Variants in APOB observed in about 807,000 individuals in gnomAD.
The protein encoded by APOB is apolipoprotein B-100.
APOB carries 153 observed loss-of-function variants against 314.1 expected under a neutral mutation model. The ratio of observed to expected loss-of-function variants is 0.49; its 90% CI spans 0.43 to 0.56. APOB has a LOEUF of 0.56. Among genes scored for constraint, APOB ranks in the 20% least tolerant of loss-of-function variants. The probability of loss-of-function intolerance (pLI) is 0.00; values close to 1 mark genes in which losing one functional copy is unlikely to be tolerated. For synonymous variants in APOB, 2,087 were observed against 2,036.4 expected (o/e 1.02, Z -0.67); for missense variants, 5,430 against 5,350.7 (o/e 1.01, Z -0.46).
rs754814123 is a variant in APOB, at chr2:21,006,802, G to C, written c.10066C>G (p.Leu3356Val). 2 of 1,613,948 alleles carry C rather than the reference G, an allele frequency of 1.2e-6. No individual in the cohort carries two copies. The highest frequency in any genetic ancestry group is 1.7e-6 in the Non-Finnish European group (2 of 1,179,964). The stretch of plus-strand genomic sequence containing the variant: ...GCAACAATATCTGACTGGTTAAAAA[G>C]TTCAGCATTGGTATTCAGTGTGATG... Reference protein sequence around the residue: ...SVITLNTNAELFNQSDIVAHL... With the variant: ...SVITLNTNAEVFNQSDIVAHL... The change falls in exon 26 of 29, where the codon CTT becomes GTT. Residue 3356 changes from leucine to valine, a missense_variant. This residue lies in a region of APOB where 3,281 missense variants were observed against 3,171.0 expected (regional missense o/e 1.03). Transcript: ENST00000233242.
chr2:21,036,542 CAGAG>C (rs751322496), intron 6 of APOB, among the ~76,000 whole-genome samples: 9 of 152,108 alleles, frequency 5.9e-5, no homozygotes, highest in Non-Finnish European at 1.3e-4. Flanking sequence ...CCCCAGTTAA[CAGAG>C]AGGAGAGGGT....
At chr2:21,028,778 A>C (rs1457476907) in intron 12 of APOB, among the ~76,000 whole-genome samples, 1 of 152,220 alleles carries the variant, frequency 6.6e-6, no homozygotes, top group African/African-American at 2.4e-5. Context: ...AAACACATAA[A>C]TTATGGCCAA....
Position 21,004,413 on chromosome 2 carries a change from T to C in APOB, c.11943A>G (p.Pro3981=), listed in dbSNP as rs143517717. ...EGKAHLNIKS[P]AFTDLHLRYQ... is the part of the protein sequence containing the mutation. Reference sequence around the variant, plus strand: ...AGCGCAGATGGAGATCGGTGAACGCTGGGCTTTTGATATTGAGGTGCGCTT... The same window carrying C: ...AGCGCAGATGGAGATCGGTGAACGCCGGGCTTTTGATATTGAGGTGCGCTT... The change falls in exon 28 of 29, where the codon CCA becomes CCG. Residue 3981 remains proline (P), a synonymous_variant. Transcript: ENST00000233242. 2 of 1,613,934 alleles carry C rather than the reference T, an allele frequency of 1.2e-6. No individual in the cohort carries two copies. Among genetic ancestry groups the C allele is most frequent in the African/African-American group, 2.7e-5 (2 of 74,908 alleles).
chr2:21,020,028 A>T, intron 18 of APOB, 123 bp from the exon 19 acceptor site: 1 of 849,886 alleles, frequency 1.2e-6, no homozygotes, highest in Middle Eastern at 2.2e-4. Flanking sequence ...CCTATCTCTA[A>T]CTATTTAATT....
At chr2:21,019,531 A>G (rs533942417) in intron 19 of APOB, among the ~76,000 whole-genome samples, 192 bp downstream of exon 19, 1 of 152,346 alleles carries the variant, frequency 6.6e-6, no homozygotes, top group African/African-American at 2.4e-5. Context: ...ATCCCATCCC[A>G]TGCACAAGGA....
At position 21,011,222 on chromosome 2, in the gene APOB, G is replaced by C. The variant is rs1012783946; in HGVS notation, c.5646C>G (p.Ser1882Arg). The change falls in exon 26 of 29, where the codon AGC becomes AGG. Residue 1882 changes from serine to arginine, a missense_variant. Transcript: ENST00000233242. ...GCAGTGAGTCTGAATTATAGTTTGT[G>C]CTCATGTCAATGGCTGAAGCCAGCC... ...IAGLASAIDM[S>R]TNYNSDSLHF... The C allele has an allele frequency of 5.6e-6, 9 of 1,614,092 alleles. No individual in the cohort carries two copies. The highest frequency in any genetic ancestry group is 1.7e-5 in the Admixed American group (1 of 60,008).
In APOB at chr2:21,007,726, C is replaced by T. The variant is rs770023507; in HGVS notation, c.9142G>A (p.Ala3048Thr). The change falls in exon 26 of 29, where the codon GCA (alanine) becomes ACA (threonine). Residue 3048 changes from alanine to threonine, a missense_variant. By Grantham distance (58) the Ala-to-Thr change is moderately conservative (BLOSUM62 0). Coordinates refer to ENST00000233242, the MANE Select transcript of APOB (RefSeq NM_000384.3). ...FFSAQPFEIT[A>T]STNNEGNLKV... is the part of the protein sequence containing the mutation. ...AAATTCCCTTCATTGTTTGTGGATG[C>T]CGTGATCTCAAATGGCTGGGCTGAA... 1 of 1,614,084 alleles carries T rather than the reference C, an allele frequency of 6.2e-7. No individual in the cohort carries two copies. Among genetic ancestry groups the T allele is most frequent in the Non-Finnish European group, 8.5e-7 (1 of 1,179,964 alleles).
chr2:21,023,605 C>T lies in APOB; in HGVS notation c.2524G>A (p.Ala842Thr), dbSNP rs1047706266. 1.9e-6 allele frequency: 3 copies of T among 1,614,194 alleles called. No individual in the cohort carries two copies. The East Asian group carries it at 6.7e-5, about 36-fold the overall frequency. Residue 842 changes from alanine to threonine, a missense_variant, in exon 17 of 29, where the codon GCT becomes ACT. Physicochemically the swap from Ala to Thr is moderately conservative, Grantham distance 58. Coordinates refer to ENST00000233242, the MANE Select transcript of APOB (RefSeq NM_000384.3). ...MENAFELPTG[A>T]GLQLQISSSG... ...GAAGATATTTGCAACTGTAATCCAG[C>T]TCCAGTGGGGAGTTCAAAGGCATTC...
rs1663307953 is a variant in APOB at position 21,011,157 on chromosome 2, G to A, written c.5711C>T (p.Thr1904Ile). The A allele has an allele frequency of 5.6e-6, 9 of 1,614,208 alleles. No homozygotes were observed. The East Asian group carries it at 2.0e-4, about 36-fold the overall frequency. Residue 1904 changes from threonine (T) to isoleucine (I), a missense_variant, in exon 26 of 29, where the codon ACC becomes ATC. Thr to Ile is a moderately conservative substitution (Grantham distance 89). This residue lies in a region of APOB where 3,281 missense variants were observed against 3,171.0 expected (regional missense o/e 1.03). Transcript: ENST00000233242. Reference sequence around the variant, plus strand: ...ATTTGTATGTGCATCGATGGTCATGGTAAACGGGGCCATTACAGAACGGAA... The same window carrying A: ...ATTTGTATGTGCATCGATGGTCATGATAAACGGGGCCATTACAGAACGGAA... ...NVFRSVMAPF[T>I]MTIDAHTNGN... is the part of the protein sequence containing the mutation.
chr2:21,005,969 C>T lies in APOB; in HGVS notation c.10899G>A (p.Trp3633Ter). 1 of 1,613,896 alleles carries T rather than the reference C, an allele frequency of 6.2e-7. No individual in the cohort carries two copies. Among genetic ancestry groups the T allele is most frequent in the Non-Finnish European group, 8.5e-7 (1 of 1,179,938 alleles). Reference protein sequence around the residue: ...NANTKNQKIRWKNEVRIHSGS... With the variant: ...NANTKNQKIR The stretch of plus-strand genomic sequence containing the variant: ...CAGAATGAATCCGGACTTCATTTTT[C>T]CATCTGATCTTCTGGTTCTTAGTGT... Residue 3633 changes from tryptophan to a stop codon, truncating the protein, a stop_gained, in exon 26 of 29, where the codon TGG becomes TGA. Coordinates refer to ENST00000233242, the MANE Select transcript of APOB (RefSeq NM_000384.3). LOFTEE classifies it high-confidence loss of function.
chr2:21,027,019 G>A, intron 14 of APOB, 55 bp from the exon 15 acceptor site: 1 of 1,522,686 alleles, frequency 6.6e-7, no homozygotes, highest in East Asian at 2.3e-5. Flanking sequence ...TTGTATGCCA[G>A]CCTAGTAGTC....
Position 21,004,684 on chromosome 2 carries a change from G to A in APOB, c.11789-9C>T. ...TTTGTGTGTTCCCAAAACTGTATAG[G>A]AGAGATTTTGTATTTTATTAGATTC... On this transcript the variant is annotated splice_polypyrimidine_tract_variant and intron_variant, in intron 26 of 28. Transcript: ENST00000233242. The A allele has an allele frequency of 6.3e-7, 1 of 1,590,086 alleles. No homozygotes were observed. The highest frequency in any genetic ancestry group is 8.6e-7 in the Non-Finnish European group (1 of 1,158,416).
rs970728049 is a variant in APOB, at chr2:21,043,397, C to A, written c.121+116G>T. On this transcript the variant is annotated intron_variant, in intron 2 of 28. Coordinates refer to ENST00000233242, the MANE Select transcript of APOB (RefSeq NM_000384.3). ...GGGAACTTGCTTCCTGGGGTCAGAG[C>A]AAGGCACACCACGATGCCATCTCAG... 5 of 1,248,996 alleles carry A rather than the reference C, an allele frequency of 4.0e-6. No individual in the cohort carries two copies. In the African/African-American group the frequency reaches 7.4e-5, roughly 19 times the overall value. 77.4% of individuals were successfully genotyped at this position (1,248,996 alleles called of 1,614,324 possible).
intron 5 of APOB, 149 bp downstream of exon 5, chr2:21,037,809 G>T: frequency 1.0e-6 from 1 of 963,446 alleles, no homozygotes. Flanking sequence ...GAGGAACCTC[G>T]GGCACCAGTA....
intron 18 of APOB, among the ~76,000 whole-genome samples, chr2:21,020,518 G>C (rs923651202): frequency 1.3e-5 from 2 of 152,054 alleles, no homozygotes; most frequent in African/African-American, 4.8e-5. Flanking sequence ...ACATCCAATG[G>C]GCATATTTAG....
chr2:21,029,965 T>A lies in APOB; in HGVS notation c.1403A>T (p.Asn468Ile). The A allele has an allele frequency of 6.2e-7, 1 of 1,614,120 alleles. No individual in the cohort carries two copies. The highest frequency in any genetic ancestry group is 8.5e-7 in the Non-Finnish European group (1 of 1,179,946). The change falls in exon 11 of 29, where the codon AAT (asparagine) becomes ATT (isoleucine). Residue 468 changes from asparagine to isoleucine, a missense_variant. Coordinates refer to ENST00000233242, the MANE Select transcript of APOB (RefSeq NM_000384.3). ...ATCTTGAATCTGTTCCATCAGGTAA[T>A]TAGCAATGTCCAGCAGCTCCTGGGT... The part of the protein sequence containing the change: ...TGTQELLDIA[N>I]YLMEQIQDDC...
chr2:21,020,227 G>A (rs946475928), intron 18 of APOB, among the ~76,000 whole-genome samples: 1 of 152,142 alleles, frequency 6.6e-6, no homozygotes, highest in African/African-American at 2.4e-5. Flanking sequence ...GAACTTCAGT[G>A]TGCCCCTTCC....
Position 21,034,866 on chromosome 2 carries a change from G to C in APOB, c.854C>G (p.Thr285Ser), listed in dbSNP as rs767888168. 4.4e-6 allele frequency: 7 copies of C among 1,603,924 alleles called. No individual in the cohort carries two copies. Among genetic ancestry groups the C allele is most frequent in the Non-Finnish European group, 6.0e-6 (7 of 1,170,846 alleles). Residue 285 changes from threonine (T) to serine (S), a missense_variant, in exon 8 of 29, where the codon ACT (threonine) becomes AGT (serine). Physicochemically the swap from Thr to Ser is moderately conservative, Grantham distance 58 (BLOSUM62 1). This residue lies in a region of APOB where 2,085 missense variants were observed against 2,079.7 expected (regional missense o/e 1.00). Coordinates refer to ENST00000233242, the MANE Select transcript of APOB (RefSeq NM_000384.3). ...CTTTGGTGTGTCTTCAAGTTTCAAAGTCTGTGTCACTTGTGCTACCATCCC... is the reference window on the plus strand; with the variant it reads ...CTTTGGTGTGTCTTCAAGTTTCAAACTCTGTGTCACTTGTGCTACCATCCC... Reference protein sequence around the residue: ...KYGMVAQVTQTLKLEDTPKIN... With the variant: ...KYGMVAQVTQSLKLEDTPKIN...
chr2:21,033,181 A>T, intron 9 of APOB, 118 bp downstream of exon 9: 1 of 777,098 alleles, frequency 1.3e-6, no homozygotes, highest in Non-Finnish European at 2.2e-6. Flanking sequence ...CTGATTGACT[A>T]ATTGATTAAC....
Sources: gnomAD v4.1 joint callset for allele counts (sites outside exome capture counted in the v4.1 genomes callset) on GRCh38, gnomAD v4.1.1 for gene constraint, gnomAD v4.1.1 regional missense constraint, MANE v1.5 for transcripts, NCBI Gene and HGNC (gene_info 2026-07-23, HGNC 2026-07-21) for gene names.